ARHGAP42: variants seen among roughly 807,000 people sequenced by gnomAD.
ARHGAP42 encodes rho GTPase-activating protein 42.
A neutral mutation model predicts 125.0 loss-of-function variants in ARHGAP42; 63 were observed. The ratio of observed to expected loss-of-function variants is 0.50; its 90% CI spans 0.41 to 0.62. The LOEUF (loss-of-function observed/expected upper bound fraction) is 0.62. Ranked by LOEUF, ARHGAP42 falls within the 20% of genes least tolerant of loss-of-function variation. The pLI, the probability that ARHGAP42 is intolerant of heterozygous loss-of-function variation, is 0.00. For missense variants in ARHGAP42, 766 were observed against 1,024.2 expected, an observed-to-expected ratio of 0.75 and a Z score of 3.44; for synonymous variants, 339 against 351.0, an observed-to-expected ratio of 0.97 and a Z score of 0.38.
intron 3 of ARHGAP42, among the ~76,000 whole-genome samples, chr11:100,806,402 T>C (rs1863990501): frequency 6.6e-6 from 1 of 152,228 alleles, no homozygotes; most frequent in African/African-American, 2.4e-5. Context: ...TGTTATATGC[T>C]TAAGTGCGAT....
intron 3 of ARHGAP42, chr11:100,816,851 A>C (rs950480121): frequency 6.6e-6 from 1 of 152,182 alleles, no homozygotes; most frequent in African/African-American, 2.4e-5. Context: ...GCCACATTGG[A>C]GAATGGTAAA....
intron 1 of ARHGAP42, among the ~76,000 whole-genome samples, chr11:100,722,108 G>A (rs968022982): frequency 1.3e-5 from 2 of 152,108 alleles, no homozygotes; most frequent in Non-Finnish European, 2.9e-5. Context: ...CCAGTATATG[G>A]TGCTGTCAGT....
intron 1 of ARHGAP42, among the ~76,000 whole-genome samples, chr11:100,708,979 T>C (rs1242865531): frequency 6.6e-6 from 1 of 152,206 alleles, no homozygotes; most frequent in Admixed American, 6.5e-5. Context: ...TGTCTGTCTC[T>C]CAAATACCTT....
Position 100,992,914 on chromosome 11 carries a change from CATGAG to C in ARHGAP42, c.*4115_*4119del, listed in dbSNP as rs1181810617. The C allele has an allele frequency of 5.8e-6, 3 of 519,996 alleles. No individual in the cohort carries two copies. The highest frequency in any genetic ancestry group is 1.0e-5 in the Non-Finnish European group (3 of 294,324). The allele number at this position is 519,996 out of a possible 1,614,324, so 32.2% of individuals were successfully genotyped here. Reference sequence around the variant, plus strand: ...CATCATTCCTTTTCCCCTTGGCACTCATGAGAGAGATGCCAAGTTCAGTGTGGATT... The same window carrying C: ...CATCATTCCTTTTCCCCTTGGCACTCAGAGATGCCAAGTTCAGTGTGGATT... On this transcript the variant is annotated 3_prime_UTR_variant, in exon 24 of 24. Coordinates refer to ENST00000298815, the MANE Select transcript of ARHGAP42 (RefSeq NM_152432.4).
intron 3 of ARHGAP42, among the ~76,000 whole-genome samples, chr11:100,806,111 A>G (rs1048791413): frequency 1.1e-4 from 16 of 152,182 alleles, no homozygotes; most frequent in Admixed American, 2.0e-4. Flanking sequence ...TTCTATGAAA[A>G]CTTTATCCAT....
chr11:100,834,333 T>G (rs1003203609), intron 3 of ARHGAP42, among the ~76,000 whole-genome samples: 3 of 152,176 alleles, frequency 2.0e-5, no homozygotes, highest in African/African-American at 7.2e-5. Context: ...TCATTTCTGA[T>G]TAGTAGAATA....
chr11:100,961,584 C>A, intron 14 of ARHGAP42, 100 bp from the exon 15 acceptor site: 3 of 945,234 alleles, frequency 3.2e-6, no homozygotes, highest in Non-Finnish European at 4.8e-6. Flanking sequence ...AAATGAATAC[C>A]TCTCTCTTTT....
At chr11:100,770,549 C>A (rs1183818401) in intron 2 of ARHGAP42, 111 bp downstream of exon 2, 2 of 818,068 alleles carry the variant, frequency 2.4e-6, no homozygotes, top group East Asian at 6.0e-5. Flanking sequence ...TTTGACAATA[C>A]TATAAGAGTG....
At chr11:100,761,429 G>T (rs12221887) in intron 1 of ARHGAP42, among the ~76,000 whole-genome samples, 9,323 of 152,200 alleles carry the variant, frequency 0.061, 378 homozygotes, top group East Asian at 0.19. Context: ...TTTTCCCCAG[G>T]GTAGGAAGAT....
intron 4 of ARHGAP42, among the ~76,000 whole-genome samples, chr11:100,903,712 ATAT>A (rs1866631503): frequency 0.023 from 783 of 33,396 alleles, 50 homozygotes; most frequent in African/African-American, 0.05. Context: ...CCCTCAAAAT[ATAT>A]ATATATATAT....
intron 1 of ARHGAP42, among the ~76,000 whole-genome samples, chr11:100,753,940 T>G (rs1289288218): frequency 6.6e-6 from 1 of 152,264 alleles, no homozygotes; most frequent in African/African-American, 2.4e-5. Flanking sequence ...ATTTTCCTGT[T>G]AAGTTCCTGC....
intron 1 of ARHGAP42, among the ~76,000 whole-genome samples, chr11:100,702,359 C>T (rs1040302177): frequency 2.0e-5 from 3 of 152,036 alleles, no homozygotes; most frequent in East Asian, 3.9e-4. Flanking sequence ...CTTTTATAGA[C>T]ACTGTTCATG....
chr11:100,965,137 A>G (rs1858057645), intron 16 of ARHGAP42, among the ~76,000 whole-genome samples: 1 of 152,094 alleles, frequency 6.6e-6, no homozygotes. Context: ...ACTCACTATC[A>G]AGAGAACAGC....
At chr11:100,872,285 A>G (rs1432673819) in intron 4 of ARHGAP42, among the ~76,000 whole-genome samples, 1 of 152,204 alleles carries the variant, frequency 6.6e-6, no homozygotes, top group African/African-American at 2.4e-5. Flanking sequence ...AAATCTCAGC[A>G]GCCCCTTAAG....
At chr11:100,697,305 C>A (rs937410596) in intron 1 of ARHGAP42, among the ~76,000 whole-genome samples, 2 of 152,166 alleles carry the variant, frequency 1.3e-5, no homozygotes, top group Non-Finnish European at 2.9e-5. Context: ...GCCTCAGCCT[C>A]CCCAGTAGCT....
chr11:100,722,384 A>C (rs1366990230), intron 1 of ARHGAP42, among the ~76,000 whole-genome samples: 1 of 149,164 alleles, frequency 6.7e-6, no homozygotes, highest in African/African-American at 2.4e-5. Context: ...TTTTAAAAAA[A>C]ATTTATTACT....
At chr11:100,970,888 C>CAGTG (rs1342643433) in intron 17 of ARHGAP42, among the ~76,000 whole-genome samples, 1 of 151,984 alleles carries the variant, frequency 6.6e-6, no homozygotes, top group East Asian at 2.0e-4. Flanking sequence ...GCTGAATTCC[C>CAGTG]AGTGAGTGCC....
At chr11:100,963,246 G>T (rs573606901) in intron 16 of ARHGAP42, among the ~76,000 whole-genome samples, 1 of 152,250 alleles carries the variant, frequency 6.6e-6, no homozygotes, top group South Asian at 2.1e-4. Flanking sequence ...TCACATTTAT[G>T]TCATTTGTTT....
intron 1 of ARHGAP42, among the ~76,000 whole-genome samples, chr11:100,741,238 C>T (rs758710846): frequency 2.0e-5 from 3 of 152,064 alleles, no homozygotes; most frequent in African/African-American, 4.8e-5. Flanking sequence ...ACCATATCGG[C>T]GAGGCTGGTC....
Sources: gnomAD v4.1 joint callset for allele counts (sites outside exome capture counted in the v4.1 genomes callset) on GRCh38, gnomAD v4.1.1 for gene constraint, MANE v1.5 for transcripts, NCBI Gene and HGNC (gene_info 2026-07-23, HGNC 2026-07-21) for gene names.